Variants in SLC35F4 observed in about 807,000 individuals in gnomAD.
SLC35F4 encodes chromosome 14 open reading frame 36.
In SLC35F4, 24 loss-of-function variants were observed where a neutral mutation model predicts 44.2. The ratio of observed to expected loss-of-function variants is 0.54; its 90% CI spans 0.39 to 0.76. SLC35F4 has a LOEUF of 0.76. Ranked by LOEUF, SLC35F4 falls within the 30% of genes least tolerant of loss-of-function variation. The pLI, the probability that SLC35F4 is intolerant of heterozygous loss-of-function variation, is 0.00. For missense variants in SLC35F4, 562 were observed against 586.1 expected, an observed-to-expected ratio of 0.96 and a Z score of 0.42; for synonymous variants, 238 against 223.6, an observed-to-expected ratio of 1.06 and a Z score of -0.57.
chr14:57,741,247 T>A (rs1364069292), intron 1 of SLC35F4, among the ~76,000 whole-genome samples: 8 of 152,200 alleles, frequency 5.3e-5, no homozygotes, highest in Non-Finnish European at 1.2e-4. Flanking sequence ...TTTGACGAGT[T>A]GAGAGAAGAA....
chr14:57,845,338 A>T (rs1297602271), intron 1 of SLC35F4, among the ~76,000 whole-genome samples: 3 of 152,196 alleles, frequency 2.0e-5, no homozygotes, highest in Non-Finnish European at 4.4e-5. Flanking sequence ...TTCATCTCTA[A>T]CATGGTAATA....
chr14:57,733,811 C>G (rs1669685682), intron 1 of SLC35F4, among the ~76,000 whole-genome samples: 1 of 147,568 alleles, frequency 6.8e-6, no homozygotes. Flanking sequence ...ATGTGGACAG[C>G]AAGCTCAATG....
chr14:57,660,311 G>A (rs2080265560), intron 1 of SLC35F4, among the ~76,000 whole-genome samples: 1 of 151,968 alleles, frequency 6.6e-6, no homozygotes, highest in Non-Finnish European at 1.5e-5. Flanking sequence ...ATAGTATCTG[G>A]AATAGATTCA....
chr14:57,767,136 GT>G, intron 1 of SLC35F4, among the ~76,000 whole-genome samples: 1 of 152,280 alleles, frequency 6.6e-6, no homozygotes, highest in East Asian at 1.9e-4. Context: ...CACAGTTAGA[GT>G]TGGGGATTTT....
At chr14:57,800,362 C>T (rs969152865) in intron 1 of SLC35F4, among the ~76,000 whole-genome samples, 11 of 152,134 alleles carry the variant, frequency 7.2e-5, no homozygotes, top group Non-Finnish European at 4.4e-5. Flanking sequence ...ATTCAAATGT[C>T]GGCAACTTCA....
intron 1 of SLC35F4, among the ~76,000 whole-genome samples, chr14:57,720,554 T>C (rs906451059): frequency 2.0e-5 from 3 of 152,134 alleles, no homozygotes; most frequent in Non-Finnish European, 4.4e-5. Flanking sequence ...GGGTCAATCT[T>C]GGTAGGTTGT....
At chr14:57,703,160 C>A (rs1165066979) in intron 1 of SLC35F4, among the ~76,000 whole-genome samples, 1 of 152,098 alleles carries the variant, frequency 6.6e-6, no homozygotes, top group East Asian at 1.9e-4. Context: ...CTATATAAAC[C>A]TGAGTGCTAT....
intron 6 of SLC35F4, among the ~76,000 whole-genome samples, chr14:57,568,944 G>A (rs1410164345): frequency 6.6e-6 from 1 of 152,162 alleles, no homozygotes; most frequent in African/African-American, 2.4e-5. Flanking sequence ...TGCTTGGTGA[G>A]AGAAGAGCAG....
intron 1 of SLC35F4, among the ~76,000 whole-genome samples, chr14:57,981,661 T>TTTTTTTTTTTTTGAGACGGAGTCTCG (rs1881386796): frequency 6.6e-6 from 1 of 152,160 alleles, no homozygotes; most frequent in African/African-American, 2.4e-5. Flanking sequence ...ACTTTTATTA[T>TTTTTTTTTTTTTGAGACGGAGTCTCG]CCACGGTGGT....
At chr14:57,653,081 A>T (rs1238474906) in intron 1 of SLC35F4, among the ~76,000 whole-genome samples, 1 of 152,052 alleles carries the variant, frequency 6.6e-6, no homozygotes, top group Non-Finnish European at 1.5e-5. Flanking sequence ...GTATTAAAAA[A>T]CCTCAGGTAC....
At chr14:57,868,598 C>G (rs1888230877), upstream of SLC35F4, among the ~76,000 whole-genome samples, 1 of 151,786 alleles carries the variant, frequency 6.6e-6, no homozygotes, top group Non-Finnish European at 1.5e-5. Flanking sequence ...GCCTCAGCCT[C>G]CGGAGTAATT....
At chr14:57,810,000 T>C (rs1247775532) in intron 1 of SLC35F4, among the ~76,000 whole-genome samples, 1 of 152,242 alleles carries the variant, frequency 6.6e-6, no homozygotes, top group Non-Finnish European at 1.5e-5. Context: ...TTGACTATTA[T>C]GGTCATGCTT....
chr14:57,889,300 C>A (rs1380270967), intron 1 of SLC35F4, among the ~76,000 whole-genome samples: 1 of 152,216 alleles, frequency 6.6e-6, no homozygotes, highest in Non-Finnish European at 1.5e-5. Flanking sequence ...CCAGGATCAG[C>A]CACAGCAAAG....
intron 1 of SLC35F4, among the ~76,000 whole-genome samples, chr14:57,898,480 T>C (rs1888931807): frequency 6.6e-6 from 1 of 152,206 alleles, no homozygotes; most frequent in African/African-American, 2.4e-5. Flanking sequence ...TGTGGGTGCT[T>C]TGATCAGATC....
chr14:57,876,648 A>G (rs911199945), intron 1 of SLC35F4, among the ~76,000 whole-genome samples: 3 of 152,220 alleles, frequency 2.0e-5, no homozygotes, highest in African/African-American at 7.2e-5. Flanking sequence ...TGTTCAAGTT[A>G]TAATCTTGAG....
chr14:57,827,418 T>C (rs373415621), intron 1 of SLC35F4, among the ~76,000 whole-genome samples: 1 of 152,094 alleles, frequency 6.6e-6, no homozygotes, highest in Non-Finnish European at 1.5e-5. Context: ...AGGAGATAAG[T>C]TGACAAGTAC....
chr14:57,646,832 C>T (rs762400001), intron 1 of SLC35F4, among the ~76,000 whole-genome samples: 8 of 152,136 alleles, frequency 5.3e-5, no homozygotes, highest in South Asian at 2.1e-4. Context: ...TCTTTGTTCT[C>T]GTTCATTTCA....
At chr14:57,717,232 T>C (rs550607863) in intron 1 of SLC35F4, among the ~76,000 whole-genome samples, 1 of 152,314 alleles carries the variant, frequency 6.6e-6, no homozygotes, top group African/African-American at 2.4e-5. Flanking sequence ...ATTTGTCATA[T>C]GATATGACAT....
In SLC35F4 at chr14:57,638,495, C is replaced by A. The variant is rs1418112301; in HGVS notation, c.104-44371G>T. Among the ~76,000 whole-genome samples the A allele has an allele frequency of 6.6e-5, 10 of 152,086 alleles. 1 individual carries two copies. The highest frequency in any genetic ancestry group is 4.6e-4 in the Admixed American group (7 of 15,264). On this transcript the variant is annotated intron_variant, in intron 1 of 7. Coordinates refer to ENST00000556826, the MANE Select transcript of SLC35F4 (RefSeq NM_001306087.2). ...TGTTGAATACATAAATTTAGCCAAT[C>A]CACTGAGCATAAATCTCCTCTGCAA...
Sources: allele counts gnomAD v4.1 joint callset (sites outside exome capture counted in the v4.1 genomes callset), GRCh38; gene constraint gnomAD v4.1.1; transcripts MANE v1.5; gene names NCBI Gene and HGNC (gene_info 2026-07-23, HGNC 2026-07-21).